SPOCK3: variants seen among roughly 807,000 people sequenced by gnomAD.
The protein encoded by SPOCK3 is SPARC (osteonectin), cwcv and kazal like domains proteoglycan 3, also known as testican-3.
In SPOCK3, 30 loss-of-function variants were observed where a neutral mutation model predicts 56.6. The ratio of observed to expected loss-of-function variants is 0.53; its 90% confidence interval spans 0.40 to 0.72. The LOEUF is 0.72. SPOCK3 is among the 30% of genes least tolerant of loss of function. The probability of loss-of-function intolerance (pLI) is 0.00; values close to 1 mark genes in which losing one functional copy is unlikely to be tolerated. For synonymous variants in SPOCK3, 196 were observed against 183.3 expected (o/e 1.07, Z -0.56); for missense variants, 527 against 530.0 (o/e 0.99, Z 0.06).
chr4:167,068,936 C>A (rs1230682275), intron 2 of SPOCK3, among the ~76,000 whole-genome samples: 1 of 151,802 alleles, frequency 6.6e-6, no homozygotes, highest in Non-Finnish European at 1.5e-5. Context: ...TCATGGTGAA[C>A]CTAACTTATA....
intron 4 of SPOCK3, among the ~76,000 whole-genome samples, chr4:166,957,496 AC>A (rs1743629313): frequency 1.3e-5 from 2 of 151,616 alleles, no homozygotes; most frequent in Non-Finnish European, 2.9e-5. Context: ...CTTATTTGCA[AC>A]TCCATCATTC....
intron 4 of SPOCK3, among the ~76,000 whole-genome samples, chr4:166,921,065 A>G (rs1738427998): frequency 6.6e-6 from 1 of 152,208 alleles, no homozygotes; most frequent in East Asian, 1.9e-4. Flanking sequence ...TGCAGAAAGA[A>G]GAAAGAAACT....
At chr4:166,984,147 C>T (rs1579899364) in intron 4 of SPOCK3, among the ~76,000 whole-genome samples, 1 of 152,100 alleles carries the variant, frequency 6.6e-6, no homozygotes, top group South Asian at 2.1e-4. Flanking sequence ...GAGAAGGGTA[C>T]TTCTTATAAA....
intron 3 of SPOCK3, among the ~76,000 whole-genome samples, chr4:167,006,737 C>T (rs1313049278): frequency 6.6e-6 from 1 of 152,060 alleles, no homozygotes; most frequent in Non-Finnish European, 1.5e-5. Flanking sequence ...ATTAATTTTT[C>T]ACTATTTTTA....
chr4:167,021,157 C>T (rs1235998833), intron 3 of SPOCK3, among the ~76,000 whole-genome samples: 1 of 151,936 alleles, frequency 6.6e-6, no homozygotes, highest in Admixed American at 6.6e-5. Context: ...AAATAAAATG[C>T]TCAGACTTTT....
chr4:166,935,263 A>G (rs1264750053), intron 4 of SPOCK3, among the ~76,000 whole-genome samples: 1 of 152,118 alleles, frequency 6.6e-6, no homozygotes, highest in Non-Finnish European at 1.5e-5. Context: ...GTTTGAGATA[A>G]TATCTCCCTC....
chr4:166,915,268 T>C (rs1288848189), intron 4 of SPOCK3, among the ~76,000 whole-genome samples: 2 of 152,154 alleles, frequency 1.3e-5, no homozygotes, highest in Non-Finnish European at 2.9e-5. Flanking sequence ...GGTGTATGTG[T>C]ATACCTCTGT....
intron 2 of SPOCK3, among the ~76,000 whole-genome samples, chr4:167,205,418 T>C (rs1170819565): frequency 2.1e-5 from 1 of 47,176 alleles, no homozygotes; most frequent in Non-Finnish European, 3.6e-5. Flanking sequence ...ATATATTAAA[T>C]ATATAATATA....
chr4:167,030,083 T>TTCTATCTATTTA (rs1554022254), intron 3 of SPOCK3, among the ~76,000 whole-genome samples: 4 of 141,396 alleles, frequency 2.8e-5, no homozygotes, highest in African/African-American at 8.5e-5. Flanking sequence ...TAATGGCTCA[T>TTCTATCTATTTA]TCTATCTATC....
intron 2 of SPOCK3, among the ~76,000 whole-genome samples, chr4:167,165,649 A>T (rs969842688): frequency 6.6e-6 from 1 of 152,106 alleles, no homozygotes; most frequent in East Asian, 1.9e-4. Flanking sequence ...CTGAAAGCAT[A>T]CATGTACTGA....
At chr4:167,220,397 G>C in intron 2 of SPOCK3, among the ~76,000 whole-genome samples, 1 of 48,704 alleles carries the variant, frequency 2.1e-5, no homozygotes, top group Non-Finnish European at 4.6e-5. Flanking sequence ...TTTTTTTTTT[G>C]AGACAGGATC....
chr4:166,847,681 A>ATATATATATATAT (rs1560926812), intron 6 of SPOCK3, among the ~76,000 whole-genome samples: 260 of 90,950 alleles, frequency 2.9e-3, no homozygotes, highest in South Asian at 3.8e-3. Flanking sequence ...ATATATATAT[A>ATATATATATATAT]AGAATCATGT....
intron 2 of SPOCK3, among the ~76,000 whole-genome samples, chr4:167,066,202 C>T (rs1008759817): frequency 1.3e-5 from 2 of 151,690 alleles, no homozygotes; most frequent in Non-Finnish European, 2.9e-5. Flanking sequence ...TTGAGCACAC[C>T]TATGTATTGT....
At chr4:166,814,687 C>A (rs1482166303) in intron 6 of SPOCK3, among the ~76,000 whole-genome samples, 1 of 152,104 alleles carries the variant, frequency 6.6e-6, no homozygotes, top group Non-Finnish European at 1.5e-5. Flanking sequence ...GCACTGTTGG[C>A]TTCCCTATTT....
chr4:166,772,832 C>A (rs901714478), intron 7 of SPOCK3, among the ~76,000 whole-genome samples: 21 of 152,092 alleles, frequency 1.4e-4, no homozygotes, highest in Non-Finnish European at 2.9e-4. Flanking sequence ...TACTCTGTCA[C>A]CCAGGCTGGA....
intron 4 of SPOCK3, among the ~76,000 whole-genome samples, chr4:166,988,978 T>G (rs910460601): frequency 6.6e-6 from 1 of 152,070 alleles, no homozygotes; most frequent in Non-Finnish European, 1.5e-5. Context: ...TCTAAAGAAT[T>G]TTCCAGATCC....
chr4:166,891,256 A>G (rs1433162820), intron 5 of SPOCK3, among the ~76,000 whole-genome samples: 1 of 152,048 alleles, frequency 6.6e-6, no homozygotes, highest in Non-Finnish European at 1.5e-5. Flanking sequence ...ATTTACTCAG[A>G]GAAAATGATT....
At chr4:167,152,879 A>G (rs1029292567) in intron 2 of SPOCK3, among the ~76,000 whole-genome samples, 1 of 152,162 alleles carries the variant, frequency 6.6e-6, no homozygotes, top group African/African-American at 2.4e-5. Context: ...TTTTTTTCTT[A>G]AGATGAAATG....
intron 3 of SPOCK3, among the ~76,000 whole-genome samples, chr4:167,020,406 T>C (rs1364488391): frequency 2.6e-5 from 4 of 152,098 alleles, no homozygotes; most frequent in African/African-American, 9.7e-5. Flanking sequence ...CCCTTAAAAA[T>C]TCATGTTGAA....
Sources: allele counts gnomAD v4.1 joint callset (sites outside exome capture counted in the v4.1 genomes callset), GRCh38; gene constraint gnomAD v4.1.1; transcripts MANE v1.5; gene names NCBI Gene and HGNC (gene_info 2026-07-23, HGNC 2026-07-21).